Variants in OSBPL9 observed in about 807,000 individuals in gnomAD.
The protein encoded by OSBPL9 is oxysterol binding protein like 9.
In OSBPL9, 40 loss-of-function variants were observed where a neutral mutation model predicts 106.6. The observed-to-expected ratio is 0.38, with a 90% confidence interval of 0.29 to 0.49. The LOEUF (loss-of-function observed/expected upper bound fraction) is 0.49. Among genes scored for constraint, OSBPL9 ranks in the 20% least tolerant of loss-of-function variants. The probability of loss-of-function intolerance (pLI) is 0.97; values close to 1 mark genes in which losing one functional copy is unlikely to be tolerated. For missense variants in OSBPL9, 609 were observed against 887.2 expected (o/e 0.69, Z 3.98); for synonymous variants, 269 against 295.4 (o/e 0.91, Z 0.92).
intron 1 of OSBPL9, among the ~76,000 whole-genome samples, chr1:51,635,309 C>T (rs908337471): frequency 2.0e-5 from 3 of 151,980 alleles, no homozygotes; most frequent in Non-Finnish European, 2.9e-5. Flanking sequence ...AAAAAAATGT[C>T]AGAACTTTGG....
intron 2 of OSBPL9, among the ~76,000 whole-genome samples, chr1:51,608,221 C>T (rs1243667254): frequency 6.6e-6 from 1 of 152,344 alleles, no homozygotes; most frequent in East Asian, 1.9e-4. Context: ...TGCTGATCAT[C>T]AGCCTCAAGT....
chr1:51,592,783 A>T (rs1645283492), intron 1 of OSBPL9, among the ~76,000 whole-genome samples: 1 of 152,180 alleles, frequency 6.6e-6, no homozygotes, highest in African/African-American at 2.4e-5. Context: ...ATATTTATTG[A>T]TAATACCCTT....
intron 3 of OSBPL9, among the ~76,000 whole-genome samples, chr1:51,680,899 TTC>T (rs1652402418): frequency 6.6e-6 from 1 of 152,188 alleles, no homozygotes; most frequent in South Asian, 2.1e-4. Flanking sequence ...GCGTTTACTC[TTC>T]TGTTTTCATC....
At chr1:51,734,847 A>T (rs909335461) in intron 4 of OSBPL9, among the ~76,000 whole-genome samples, 8 of 152,046 alleles carry the variant, frequency 5.3e-5, no homozygotes, top group African/African-American at 7.2e-5. Flanking sequence ...AAACCCTAGT[A>T]CTTATTCCCA....
rs990378075 is a variant in OSBPL9 at position 51,785,837 on chromosome 1, C to T, written c.1859C>T (p.Ser620Leu). ...CCAAATGACAAGAAGTCTTTTTGCT[C>T]AATTGAAGGGGAATGGAATGGTGTG... ...FSPNDKKSFC[S>L]IEGEWNGVMY... The change falls in exon 21 of 24, where the codon TCA becomes TTA. Residue 620 changes from serine (S) to leucine (L), a missense_variant. This residue lies in a region of OSBPL9 where 132 missense variants were observed against 158.1 expected (regional missense o/e 0.83). Transcript: ENST00000428468. 11 of 1,607,782 alleles carry T rather than the reference C, an allele frequency of 6.8e-6. No homozygotes were observed. The Admixed American group carries it at 8.6e-5, about 13-fold the overall frequency.
the OSBPL9 span, among the ~76,000 whole-genome samples, chr1:51,520,975 C>T: frequency 9.2e-5 from 14 of 152,320 alleles, no homozygotes; most frequent in African/African-American, 3.4e-4. Context: ...CAGCCATAAC[C>T]ACAACCGGTG....
chr1:51,536,079 G>A, the OSBPL9 span, among the ~76,000 whole-genome samples: 1 of 152,056 alleles, frequency 6.6e-6, no homozygotes, highest in Non-Finnish European at 1.5e-5. Flanking sequence ...TGTATTTTCT[G>A]AGAAAAGGAC....
chr1:51,522,416 T>C, the OSBPL9 span, among the ~76,000 whole-genome samples: 10 of 152,272 alleles, frequency 6.6e-5, no homozygotes, highest in African/African-American at 2.4e-4. Flanking sequence ...TGACATGTAA[T>C]GGGAGATGGG....
At chr1:51,551,342 T>C in the OSBPL9 span, among the ~76,000 whole-genome samples, 1 of 152,124 alleles carries the variant, frequency 6.6e-6, no homozygotes, top group African/African-American at 2.4e-5. Context: ...TCCAATTCAT[T>C]TCCCTCTTCT....
intron 12 of OSBPL9, among the ~76,000 whole-genome samples, chr1:51,770,843 A>G (rs1673707890): frequency 6.6e-6 from 1 of 152,182 alleles, no homozygotes; most frequent in African/African-American, 2.4e-5. Context: ...AGCCCAGAGG[A>G]TTTTTACAGC....
chr1:51,735,641 G>C (rs1400893586), intron 4 of OSBPL9, among the ~76,000 whole-genome samples: 1 of 152,236 alleles, frequency 6.6e-6, no homozygotes, highest in Non-Finnish European at 1.5e-5. Flanking sequence ...ATCTGTGTCT[G>C]CTTCATCTTG....
upstream of OSBPL9, among the ~76,000 whole-genome samples, chr1:51,572,527 G>A (rs979086942): frequency 2.6e-5 from 4 of 152,180 alleles, no homozygotes; most frequent in Non-Finnish European, 5.9e-5. Flanking sequence ...ATGTTATACA[G>A]TGTCTTCCCC....
chr1:51,671,405 GTTTT>G (rs201440855), intron 3 of OSBPL9, among the ~76,000 whole-genome samples: 45 of 151,368 alleles, frequency 3.0e-4, no homozygotes, highest in African/African-American at 1.0e-3. Flanking sequence ...GAATACACCA[GTTTT>G]TTTTTAAGCA....
the OSBPL9 span, among the ~76,000 whole-genome samples, chr1:51,523,935 G>GA: frequency 1.7e-4 from 25 of 151,186 alleles, no homozygotes; most frequent in Admixed American, 4.6e-4. Context: ...TGAAACTATG[G>GA]AAAAAAAAAC....
chr1:51,711,512 C>A (rs1203048528), intron 3 of OSBPL9, among the ~76,000 whole-genome samples: 1 of 129,998 alleles, frequency 7.7e-6, no homozygotes, highest in Non-Finnish European at 1.7e-5. Flanking sequence ...GGGCGGGGGG[C>A]TGACCCCCCA....
chr1:51,701,580 A>G (rs995734495), intron 3 of OSBPL9, among the ~76,000 whole-genome samples: 5 of 151,962 alleles, frequency 3.3e-5, no homozygotes, highest in East Asian at 1.9e-4. Context: ...TAACTAGAGT[A>G]TTGTATTTGT....
At chr1:51,640,705 T>C (rs1427682024) in intron 1 of OSBPL9, among the ~76,000 whole-genome samples, 2 of 152,154 alleles carry the variant, frequency 1.3e-5, no homozygotes, top group African/African-American at 4.8e-5. Context: ...GGACCATTCA[T>C]TGAGCAGACA....
intron 4 of OSBPL9, among the ~76,000 whole-genome samples, chr1:51,743,805 AAT>A (rs923705130): frequency 1.4e-4 from 22 of 152,306 alleles, no homozygotes; most frequent in African/African-American, 4.6e-4. Flanking sequence ...ACAGTACTCT[AAT>A]ATCTATGAAA....
the OSBPL9 span, among the ~76,000 whole-genome samples, chr1:51,556,459 C>T: frequency 6.6e-6 from 1 of 152,002 alleles, no homozygotes; most frequent in Non-Finnish European, 1.5e-5. Context: ...ATGATAATTA[C>T]CAGAGACTGG....
Sources: gnomAD v4.1 joint callset for allele counts (sites outside exome capture counted in the v4.1 genomes callset) on GRCh38, gnomAD v4.1.1 for gene constraint, gnomAD v4.1.1 regional missense constraint, MANE v1.5 for transcripts, NCBI Gene and HGNC (gene_info 2026-07-23, HGNC 2026-07-21) for gene names.